SLC25A13: variants seen among roughly 807,000 people sequenced by gnomAD.
SLC25A13 encodes the protein electrogenic aspartate/glutamate antiporter SLC25A13, mitochondrial.
In SLC25A13, 70 loss-of-function variants were observed where a neutral mutation model predicts 85.5. The ratio of observed to expected loss-of-function variants is 0.82; its 90% confidence interval spans 0.68 to 1.00. The LOEUF (loss-of-function observed/expected upper bound fraction) is 1.00. SLC25A13 is among the 50% of genes least tolerant of loss of function. The probability of loss-of-function intolerance (pLI) is 0.00; values close to 1 mark genes in which losing one functional copy is unlikely to be tolerated. For synonymous variants in SLC25A13, 259 were observed against 288.7 expected, an observed-to-expected ratio of 0.90 and a Z score of 1.04; for missense variants, 765 against 819.8, an observed-to-expected ratio of 0.93 and a Z score of 0.82.
intron 3 of SLC25A13, among the ~76,000 whole-genome samples, chr7:96,241,859 G>A (rs1404204094): frequency 6.6e-6 from 1 of 152,058 alleles, no homozygotes; most frequent in East Asian, 1.9e-4. Flanking sequence ...CACACTAACG[G>A]ACAACCTCCA....
intron 13 of SLC25A13, among the ~76,000 whole-genome samples, chr7:96,156,490 C>T (rs1008199005): frequency 4.0e-5 from 6 of 151,490 alleles, no homozygotes; most frequent in Non-Finnish European, 7.4e-5. Flanking sequence ...CTCCGTCTGT[C>T]GCCCAGGCTG....
chr7:96,152,923 T>C (rs6972919), intron 13 of SLC25A13, among the ~76,000 whole-genome samples: 3,118 of 152,252 alleles, frequency 0.02, 59 homozygotes, highest in Non-Finnish European at 0.031. Context: ...GAGAGCTGTG[T>C]AGTCTACTTG....
chr7:96,233,628 TTATC>T (rs1796640806), intron 4 of SLC25A13, among the ~76,000 whole-genome samples: 1 of 152,152 alleles, frequency 6.6e-6, no homozygotes, highest in Non-Finnish European at 1.5e-5. Context: ...TACCAATACT[TTATC>T]TAATTATTAT....
At chr7:96,247,001 CAAT>C (rs1293790138) in intron 3 of SLC25A13, among the ~76,000 whole-genome samples, 1 of 152,216 alleles carries the variant, frequency 6.6e-6, no homozygotes, top group East Asian at 1.9e-4. Flanking sequence ...GTTCCAACAA[CAAT>C]GACGTATTCA....
chr7:96,289,568 C>A (rs539313239), intron 2 of SLC25A13, among the ~76,000 whole-genome samples: 6 of 152,236 alleles, frequency 3.9e-5, no homozygotes, highest in Non-Finnish European at 7.4e-5. Flanking sequence ...CCTTAAATGA[C>A]CTGATGGAGC....
chr7:96,188,549 C>T (rs1336091965), intron 9 of SLC25A13, among the ~76,000 whole-genome samples: 3 of 152,160 alleles, frequency 2.0e-5, no homozygotes, highest in African/African-American at 7.2e-5. Flanking sequence ...TTTCTAAAAA[C>T]GACACTCGCC....
At chr7:96,301,313 C>T (rs1206564999) in intron 1 of SLC25A13, among the ~76,000 whole-genome samples, 1 of 152,172 alleles carries the variant, frequency 6.6e-6, no homozygotes, top group Non-Finnish European at 1.5e-5. Flanking sequence ...TTCACTGTTA[C>T]ATTTTTTTCT....
At chr7:96,219,751 A>T in intron 4 of SLC25A13, 1 of 534,434 alleles carries the variant, frequency 1.9e-6, no homozygotes, top group Non-Finnish European at 3.8e-6. Flanking sequence ...TACCTCATTG[A>T]TAAGACTCCC....
chr7:96,183,958 T>G (rs1456383110), intron 11 of SLC25A13, among the ~76,000 whole-genome samples: 1 of 152,196 alleles, frequency 6.6e-6, no homozygotes, highest in Non-Finnish European at 1.5e-5. Context: ...CCTTTCCCTG[T>G]TAGCTGGAGA....
intron 2 of SLC25A13, among the ~76,000 whole-genome samples, chr7:96,295,868 A>G (rs770698772): frequency 6.6e-6 from 1 of 150,946 alleles, no homozygotes; most frequent in Non-Finnish European, 1.5e-5. Flanking sequence ...TATTAATAAT[A>G]TATCATATAT....
intron 1 of SLC25A13, among the ~76,000 whole-genome samples, chr7:96,316,307 A>G (rs1319235347): frequency 6.6e-6 from 1 of 152,230 alleles, no homozygotes; most frequent in Admixed American, 6.5e-5. Flanking sequence ...AAGGTATATG[A>G]CAATTCCTGT....
At chr7:96,128,942 C>T (rs1454925668) in intron 15 of SLC25A13, among the ~76,000 whole-genome samples, 18 of 97,326 alleles carry the variant, frequency 1.8e-4, no homozygotes, top group African/African-American at 8.8e-4. Flanking sequence ...CTTGCTTGCT[C>T]TCTCTCTCTC....
intron 3 of SLC25A13, among the ~76,000 whole-genome samples, chr7:96,267,338 AT>A (rs1298487541): frequency 6.6e-6 from 1 of 152,232 alleles, no homozygotes; most frequent in Non-Finnish European, 1.5e-5. Context: ...AAGGCCATAT[AT>A]TCTTTCCTCA....
At chr7:96,135,662 C>T (rs1438394569) in intron 14 of SLC25A13, among the ~76,000 whole-genome samples, 3 of 152,114 alleles carry the variant, frequency 2.0e-5, no homozygotes, top group Non-Finnish European at 2.9e-5. Context: ...ATAATTTTTA[C>T]CAAGAGATCA....
intron 13 of SLC25A13, among the ~76,000 whole-genome samples, chr7:96,152,735 C>G (rs1793099346): frequency 6.6e-6 from 1 of 152,152 alleles, no homozygotes; most frequent in East Asian, 1.9e-4. Flanking sequence ...GGCGAGAGAC[C>G]ATGAAGTGAT....
intron 4 of SLC25A13, among the ~76,000 whole-genome samples, chr7:96,217,835 A>C (rs1410433056): frequency 6.6e-6 from 1 of 151,826 alleles, no homozygotes; most frequent in Non-Finnish European, 1.5e-5. Context: ...AAATCTGTGA[A>C]TATATTAAAA....
chr7:96,298,994 C>T (rs1799454432), intron 1 of SLC25A13, among the ~76,000 whole-genome samples: 2 of 152,186 alleles, frequency 1.3e-5, no homozygotes, highest in Admixed American at 1.3e-4. Flanking sequence ...AAGAGTCCCA[C>T]ATCTCATGGA....
At chr7:96,281,941 T>C (rs974025083) in intron 2 of SLC25A13, among the ~76,000 whole-genome samples, 3 of 152,084 alleles carry the variant, frequency 2.0e-5, no homozygotes, top group Admixed American at 1.3e-4. Context: ...TAAAAATATG[T>C]ATGAGGGTAG....
intron 1 of SLC25A13, among the ~76,000 whole-genome samples, chr7:96,300,794 A>T (rs1799522188): frequency 6.6e-6 from 1 of 152,202 alleles, no homozygotes; most frequent in Non-Finnish European, 1.5e-5. Flanking sequence ...AGGATAGATA[A>T]GTATGGTTCA....
Sources: allele counts gnomAD v4.1 joint callset (sites outside exome capture counted in the v4.1 genomes callset), GRCh38; gene constraint gnomAD v4.1.1; transcripts MANE v1.5; gene names NCBI Gene and HGNC (gene_info 2026-07-23, HGNC 2026-07-21).